FOXK1: variants seen among roughly 807,000 people sequenced by gnomAD.
The protein encoded by FOXK1 is forkhead box protein K1.
A neutral mutation model predicts 51.9 loss-of-function variants in FOXK1; 19 were observed. The ratio of observed to expected loss-of-function variants is 0.37; its 90% CI spans 0.26 to 0.54. FOXK1 has a LOEUF of 0.54. Ranked by LOEUF, FOXK1 falls within the 20% of genes least tolerant of loss-of-function variation. FOXK1 has a pLI of 0.87. For missense variants in FOXK1, 870 were observed against 1,032.7 expected, an observed-to-expected ratio of 0.84 and a Z score of 2.16; for synonymous variants, 537 against 482.6, an observed-to-expected ratio of 1.11 and a Z score of -1.48.
Position 4,755,025 on chromosome 7 carries a change from T to G in FOXK1, c.904-212T>G, listed in dbSNP as rs1170896935. On this transcript the variant is annotated intron_variant, in intron 3 of 8. Coordinates refer to ENST00000328914, the MANE Select transcript of FOXK1 (RefSeq NM_001037165.2). This position sits in a 1 kb window ranked among gnomAD's most constrained non-coding sequence, Gnocchi z 6.6. Reference sequence around the variant, plus strand: ...GAGAAATTTCAGAATTAAATTATAATAAAACCGAAGTTTTCCTTCCCATGA... The same window carrying G: ...GAGAAATTTCAGAATTAAATTATAAGAAAACCGAAGTTTTCCTTCCCATGA... 1.2e-5 allele frequency: 7 copies of G among 600,480 alleles called. No individual in the cohort carries two copies. Among genetic ancestry groups the G allele is most frequent in the Non-Finnish European group, 8.6e-6 (3 of 347,570 alleles). The allele number at this position is 600,480 out of a possible 1,614,324, so 37.2% of individuals were successfully genotyped here.
In FOXK1 at chr7:4,753,882, G is replaced by T. The variant is rs1486628930; in HGVS notation, c.747-577G>T. On this transcript the variant is annotated intron_variant, in intron 2 of 8. Coordinates refer to ENST00000328914, the MANE Select transcript of FOXK1 (RefSeq NM_001037165.2). This position sits in a 1 kb window ranked among gnomAD's most constrained non-coding sequence, Gnocchi z 4.9. ...GGAGGGAGAGGGGATGAGGGCAGGG[G>T]CATCTCAGCGGCTCAGGGCAAAACT... Among the ~76,000 whole-genome samples the T allele has an allele frequency of 1.3e-5, 2 of 152,166 alleles. No homozygotes were observed. The highest frequency in any genetic ancestry group is 3.2e-3 in the Middle Eastern group (1 of 316).
rs1042080963 is a variant in FOXK1 at position 4,743,528 on chromosome 7, C to T, written c.746+2505C>T. 1.1e-4 allele frequency among the ~76,000 whole-genome samples: 16 copies of T among 152,152 alleles called. No individual in the cohort carries two copies. In the East Asian group the frequency reaches 2.7e-3, roughly 26 times the overall value. On this transcript the variant is annotated intron_variant, in intron 2 of 8. Coordinates refer to ENST00000328914, the MANE Select transcript of FOXK1 (RefSeq NM_001037165.2). The surrounding 1 kb of genome is among the most constrained non-coding windows in gnomAD (Gnocchi z 5.3). ...TCACGCGACTGCACTCCAGCCCGGGCGATAGAGCGAGACTCCATTTCTCAG... is the reference window on the plus strand; with the variant it reads ...TCACGCGACTGCACTCCAGCCCGGGTGATAGAGCGAGACTCCATTTCTCAG...
intron 1 of FOXK1, among the ~76,000 whole-genome samples, chr7:4,710,442 A>AG (rs1272263452): frequency 1.3e-5 from 2 of 152,024 alleles, no homozygotes; most frequent in African/African-American, 4.8e-5. Context: ...GGGCGTGGTG[A>AG]GGGGTGCCTG....
Position 4,756,200 on chromosome 7 carries a change from C to T in FOXK1, c.1051-794C>T, listed in dbSNP as rs1383751387. ...CGCGATCTCAGCTCACTGCAACCTT[C>T]GCCTCCCAGGTTCAAGCGATTCTTC... On this transcript the variant is annotated intron_variant, in intron 4 of 8. Transcript: ENST00000328914. This position sits in a 1 kb window ranked among gnomAD's most constrained non-coding sequence, Gnocchi z 4.1. Among the ~76,000 whole-genome samples the T allele has an allele frequency of 6.6e-6, 1 of 152,108 alleles. No homozygotes were observed. Among genetic ancestry groups the T allele is most frequent in the East Asian group, 1.9e-4 (1 of 5,146 alleles).
intron 1 of FOXK1, among the ~76,000 whole-genome samples, chr7:4,726,027 T>G (rs561076417): frequency 7.9e-5 from 12 of 152,066 alleles, no homozygotes; most frequent in African/African-American, 2.7e-4. Flanking sequence ...TTTTTTTTTT[T>G]TAAGCAGCGA....
At chr7:4,710,330 G>A (rs943182842) in intron 1 of FOXK1, among the ~76,000 whole-genome samples, 16 of 152,200 alleles carry the variant, frequency 1.1e-4, no homozygotes, top group African/African-American at 3.9e-4. Flanking sequence ...AGGATTGCTT[G>A]AGCCCAGGAG....
intron 1 of FOXK1, among the ~76,000 whole-genome samples, chr7:4,740,084 C>G (rs1780612740): frequency 6.6e-6 from 1 of 152,144 alleles, no homozygotes; most frequent in South Asian, 2.1e-4. Flanking sequence ...CACCTGAGGT[C>G]AGGAGTTCGA....
chr7:4,733,272 TC>T lies in FOXK1; in HGVS notation c.561-7564del, dbSNP rs960442148. ...TCAAACTCCTGGGCTCAAGCAATCC[TC>T]CAACCTCATCCTCCCAGAGTGCTGG... On this transcript the variant is annotated intron_variant, in intron 1 of 8. Coordinates refer to ENST00000328914, the MANE Select transcript of FOXK1 (RefSeq NM_001037165.2). The surrounding 1 kb of genome is among the most constrained non-coding windows in gnomAD (Gnocchi z 5.0). Among the ~76,000 whole-genome samples the T allele has an allele frequency of 4.6e-5, 7 of 152,040 alleles. No homozygotes were observed. Among genetic ancestry groups the T allele is most frequent in the African/African-American group, 1.7e-4 (7 of 41,404 alleles).
Position 4,693,822 on chromosome 7 carries a change from C to T in FOXK1, c.560+10954C>T, listed in dbSNP as rs138224465. ...GCTCAAGTGATCCTCTAGCCTCTGC[C>T]TCCCAGTGTGCTCAGGTGTGAGCCA... On this transcript the variant is annotated intron_variant, in intron 1 of 8. Coordinates refer to ENST00000328914, the MANE Select transcript of FOXK1 (RefSeq NM_001037165.2). 2.3e-3 allele frequency among the ~76,000 whole-genome samples: 342 copies of T among 150,514 alleles called. 3 individuals are homozygous for T. Among genetic ancestry groups the T allele is most frequent in the African/African-American group, 8.1e-3 (331 of 40,916 alleles).
chr7:4,730,354 C>G lies in FOXK1; in HGVS notation c.561-10484C>G, dbSNP rs1223175437. Among the ~76,000 whole-genome samples, 1 of 152,212 alleles carries G rather than the reference C, an allele frequency of 6.6e-6. No homozygotes were observed. The highest frequency in any genetic ancestry group is 2.4e-5 in the African/African-American group (1 of 41,448). ...GGCACAGAGCTGTGTCTCTGACCAC[C>G]CTGCTACCCAGCTTGCCACCGCTGT... On this transcript the variant is annotated intron_variant, in intron 1 of 8. Transcript: ENST00000328914. This position sits in a 1 kb window ranked among gnomAD's most constrained non-coding sequence, Gnocchi z 4.7.
rs1408724656 is a variant in FOXK1, at chr7:4,753,125, AC to A, written c.747-1333del. On this transcript the variant is annotated intron_variant, in intron 2 of 8. Transcript: ENST00000328914. This position sits in a 1 kb window ranked among gnomAD's most constrained non-coding sequence, Gnocchi z 4.9. Reference sequence around the variant, plus strand: ...TGGGAATTCCAGATCAGAGTCCTTAACGTTCCATGTGGGTGACACTGAGTCC... The same window carrying A: ...TGGGAATTCCAGATCAGAGTCCTTAAGTTCCATGTGGGTGACACTGAGTCC... Among the ~76,000 whole-genome samples, 2 of 152,298 alleles carry A rather than the reference AC, an allele frequency of 1.3e-5. No homozygotes were observed. The highest frequency in any genetic ancestry group is 6.5e-5 in the Admixed American group (1 of 15,302).
In FOXK1 at chr7:4,759,532, G is replaced by C; in HGVS notation, c.1633G>C (p.Ala545Pro). Residue 545 changes from alanine (A) to proline (P), a missense_variant, in exon 7 of 9, where the codon GCG (alanine) becomes CCG (proline). By Grantham distance (27) the Ala-to-Pro change is conservative. Coordinates refer to ENST00000328914, the MANE Select transcript of FOXK1 (RefSeq NM_001037165.2). The part of the protein sequence containing the change: ...ANGYILTSQG[A>P]AGGSHDAAGA... ...CGGATACATCCTCACCAGCCAGGGC[G>C]CGGCGGGGGGCTCCCATGATGCGGC... 1 of 1,559,020 alleles carries C rather than the reference G, an allele frequency of 6.4e-7. No individual in the cohort carries two copies. The highest frequency in any genetic ancestry group is 8.6e-7 in the Non-Finnish European group (1 of 1,158,610).
At chr7:4,736,851 G>C (rs1027076868) in intron 1 of FOXK1, among the ~76,000 whole-genome samples, 1 of 152,174 alleles carries the variant, frequency 6.6e-6, no homozygotes, top group Non-Finnish European at 1.5e-5. Flanking sequence ...TTTTGGTGGC[G>C]TTCACCTTTG....
rs937103785 is a variant in FOXK1, at chr7:4,736,000, T to C, written c.561-4838T>C. On this transcript the variant is annotated intron_variant, in intron 1 of 8. Coordinates refer to ENST00000328914, the MANE Select transcript of FOXK1 (RefSeq NM_001037165.2). This position sits in a 1 kb window ranked among gnomAD's most constrained non-coding sequence, Gnocchi z 4.7. ...CCCGTCTCTACTAAAAATACAAAACTTAGCTGGGCTCTGTGGCGCGTGCCT... is the reference window on the plus strand; with the variant it reads ...CCCGTCTCTACTAAAAATACAAAACCTAGCTGGGCTCTGTGGCGCGTGCCT... 1.3e-5 allele frequency among the ~76,000 whole-genome samples: 2 copies of C among 152,046 alleles called. No homozygotes were observed. The highest frequency in any genetic ancestry group is 4.8e-5 in the African/African-American group (2 of 41,398).
chr7:4,737,282 A>T (rs1048746679), intron 1 of FOXK1, among the ~76,000 whole-genome samples: 1 of 152,224 alleles, frequency 6.6e-6, no homozygotes, highest in Non-Finnish European at 1.5e-5. Flanking sequence ...CCCTTCTGAC[A>T]AATAGGAGAA....
At chr7:4,692,775 A>C (rs2115030453) in intron 1 of FOXK1, among the ~76,000 whole-genome samples, 1 of 151,270 alleles carries the variant, frequency 6.6e-6, no homozygotes, top group African/African-American at 2.4e-5. Context: ...CACCCAGGCT[A>C]GAGTGCAGTG....
At chr7:4,705,517 T>C (rs201913810) in intron 1 of FOXK1, among the ~76,000 whole-genome samples, 12,363 of 111,298 alleles carry the variant, frequency 0.11, 839 homozygotes, top group African/African-American at 0.19. Context: ...TTCCTTCTCT[T>C]TCTCTCTCTC....
rs1341667615 is a variant in FOXK1 at position 4,759,474 on chromosome 7, C to G, written c.1575C>G (p.Val525=). ...VVQQAPTVTM[V]RVVTTSANSA... The stretch of plus-strand genomic sequence containing the variant: ...AGCAGGCCCCCACCGTCACCATGGT[C>G]AGGGTGGTCACCACATCTGCCAACT... The change falls in exon 7 of 9, where the codon GTC becomes GTG. Residue 525 remains valine (V), a synonymous_variant. Transcript: ENST00000328914. The G allele has an allele frequency of 6.3e-7, 1 of 1,587,222 alleles. No individual in the cohort carries two copies. Among genetic ancestry groups the G allele is most frequent in the Non-Finnish European group, 8.5e-7 (1 of 1,171,922 alleles).
rs1293639446 is a variant in FOXK1 at position 4,756,068 on chromosome 7, A to G, written c.1050+685A>G. On this transcript the variant is annotated intron_variant, in intron 4 of 8. Transcript: ENST00000328914. The surrounding 1 kb of genome is among the most constrained non-coding windows in gnomAD (Gnocchi z 4.1). ...ACTGATGCATGTTGCATTTGCCTGT[A>G]TTTTCTCCAATGTCAGTGTAGCGCA... Among the ~76,000 whole-genome samples the G allele has an allele frequency of 6.6e-6, 1 of 152,072 alleles. No individual in the cohort carries two copies. Among genetic ancestry groups the G allele is most frequent in the African/African-American group, 2.4e-5 (1 of 41,432 alleles).
Sources: allele counts gnomAD v4.1 joint callset (sites outside exome capture counted in the v4.1 genomes callset), GRCh38; gene constraint gnomAD v4.1.1; non-coding constraint Gnocchi (gnomAD v3.1); transcripts MANE v1.5; gene names NCBI Gene and HGNC (gene_info 2026-07-23, HGNC 2026-07-21).